The following TMEFF2 variants were observed in gnomAD, a reference collection of about 807,000 sequenced individuals.
The protein encoded by TMEFF2 is tomoregulin-2.
In TMEFF2, 28 loss-of-function variants were observed where a neutral mutation model predicts 53.8. The observed-to-expected ratio is 0.52, with a 90% CI of 0.39 to 0.71. TMEFF2 has a LOEUF of 0.71. TMEFF2 is among the 30% of genes least tolerant of loss of function. The pLI is 0.00. For missense variants in TMEFF2, 353 were observed against 455.2 expected (o/e 0.78, Z 2.04); for synonymous variants, 162 against 166.3 (o/e 0.97, Z 0.20).
intron 5 of TMEFF2, among the ~76,000 whole-genome samples, chr2:192,003,455 A>G (rs1686416265): frequency 6.6e-6 from 1 of 152,018 alleles, no homozygotes; most frequent in East Asian, 1.9e-4. Context: ...GGCTATGTCT[A>G]CTCTTGGAAT....
intron 4 of TMEFF2, among the ~76,000 whole-genome samples, chr2:192,095,157 G>A (rs1484388807): frequency 1.3e-5 from 2 of 152,084 alleles, no homozygotes; most frequent in Non-Finnish European, 2.9e-5. Flanking sequence ...TCCTTTCTGT[G>A]TAGACTGCAG....
At chr2:192,057,311 G>T (rs752265384) in intron 5 of TMEFF2, among the ~76,000 whole-genome samples, 9 of 152,078 alleles carry the variant, frequency 5.9e-5, no homozygotes, top group Non-Finnish European at 1.0e-4. Flanking sequence ...GCCTCCCAAA[G>T]TGCTGGGAGT....
At chr2:192,060,161 C>T (rs1435841440) in intron 4 of TMEFF2, among the ~76,000 whole-genome samples, 1 of 151,920 alleles carries the variant, frequency 6.6e-6, no homozygotes, top group African/African-American at 2.4e-5. Context: ...AGAGTCTCTG[C>T]CTTAAGCAAT....
intron 7 of TMEFF2, among the ~76,000 whole-genome samples, chr2:191,968,155 T>G (rs915522803): frequency 2.6e-5 from 4 of 152,202 alleles, no homozygotes; most frequent in Non-Finnish European, 5.9e-5. Context: ...GAAGCATCCT[T>G]GCAAATACAG....
At chr2:191,956,456 G>A (rs755915658) in intron 7 of TMEFF2, 78 bp from the exon 8 acceptor site, 2 of 1,449,640 alleles carry the variant, frequency 1.4e-6, no homozygotes, top group Non-Finnish European at 1.8e-6. Flanking sequence ...AAGAAGCAAA[G>A]CTATGGTAGG....
chr2:192,137,235 G>A (rs909626242), intron 4 of TMEFF2, among the ~76,000 whole-genome samples: 1 of 152,110 alleles, frequency 6.6e-6, no homozygotes, highest in East Asian at 1.9e-4. Flanking sequence ...AAAAGGATTC[G>A]TGAGGGTGGG....
chr2:191,953,357 G>A (rs994683691), intron 9 of TMEFF2, among the ~76,000 whole-genome samples: 1 of 152,122 alleles, frequency 6.6e-6, no homozygotes, highest in Non-Finnish European at 1.5e-5. Flanking sequence ...ATAAAAATGT[G>A]TTTGTTATTA....
Position 192,027,395 on chromosome 2 carries a change from A to T in TMEFF2, c.537-28187T>A, listed in dbSNP as rs1278772339. Among the ~76,000 whole-genome samples the T allele has an allele frequency of 9.2e-5, 14 of 152,342 alleles. No homozygotes were observed. In the East Asian group the frequency reaches 2.7e-3, roughly 29 times the overall value. ...ATATGATAAAGGCATGTCAGGATATATATCAGAGAGGAGCGCTATCCTTAA... is the reference window on the plus strand; with the variant it reads ...ATATGATAAAGGCATGTCAGGATATTTATCAGAGAGGAGCGCTATCCTTAA... On this transcript the variant is annotated intron_variant, in intron 5 of 9. Coordinates refer to ENST00000272771, the MANE Select transcript of TMEFF2 (RefSeq NM_016192.4).
rs77245034 is a variant in TMEFF2 at position 192,151,933 on chromosome 2, A to G, written c.439+27735T>C. On this transcript the variant is annotated intron_variant, in intron 4 of 9. Transcript: ENST00000272771. The stretch of plus-strand genomic sequence containing the variant: ...AGGGGAGGAAAATGGCAGATGTTCC[A>G]TGTTGGCTAAGGGTAATTGTTCAGG... 5.8e-4 allele frequency among the ~76,000 whole-genome samples: 88 copies of G among 151,938 alleles called. 1 individual carries two copies. The East Asian group carries it at 0.015, about 26-fold the overall frequency.
chr2:192,075,201 A>G (rs968629583), intron 4 of TMEFF2, among the ~76,000 whole-genome samples: 7 of 148,842 alleles, frequency 4.7e-5, no homozygotes, highest in South Asian at 4.2e-4. Flanking sequence ...TCTGGCTTCT[A>G]TATTTGCAAT....
chr2:192,161,453 G>C (rs1311667190), intron 4 of TMEFF2, among the ~76,000 whole-genome samples: 1 of 152,118 alleles, frequency 6.6e-6, no homozygotes, highest in Non-Finnish European at 1.5e-5. Flanking sequence ...TCACCGGCCT[G>C]AAACAGCATA....
intron 7 of TMEFF2, among the ~76,000 whole-genome samples, chr2:191,965,673 TTCA>T (rs142290357): frequency 0.016 from 2,443 of 152,304 alleles, 59 homozygotes; most frequent in African/African-American, 0.055. Flanking sequence ...TCTTCTTACA[TTCA>T]TCATATGAAA....
chr2:192,029,826 C>T lies in TMEFF2; in HGVS notation c.536+27853G>A, dbSNP rs115160449. 3.0e-3 allele frequency among the ~76,000 whole-genome samples: 455 copies of T among 152,284 alleles called. 3 individuals carry two copies. Among genetic ancestry groups the T allele is most frequent in the African/African-American group, 0.01 (434 of 41,558 alleles). ...TAACATTTTTAAAAAAATGAATATGCTTTCTAAAAATAAATTCAGTGAGAA... is the reference window on the plus strand; with the variant it reads ...TAACATTTTTAAAAAAATGAATATGTTTTCTAAAAATAAATTCAGTGAGAA... On this transcript the variant is annotated intron_variant, in intron 5 of 9. Transcript: ENST00000272771.
intron 4 of TMEFF2, among the ~76,000 whole-genome samples, chr2:192,108,692 C>T (rs886254100): frequency 2.6e-5 from 4 of 151,958 alleles, no homozygotes; most frequent in African/African-American, 9.7e-5. Context: ...AATGACACTC[C>T]TTGGTGTATA....
chr2:192,061,772 G>A (rs957796427), intron 4 of TMEFF2, among the ~76,000 whole-genome samples: 5 of 152,136 alleles, frequency 3.3e-5, no homozygotes, highest in Non-Finnish European at 5.9e-5. Context: ...TTGGTGATGA[G>A]GGAGTTCTCA....
At chr2:191,998,861 A>G (rs1686287130) in intron 6 of TMEFF2, among the ~76,000 whole-genome samples, 199 bp downstream of exon 6, 1 of 151,962 alleles carries the variant, frequency 6.6e-6, no homozygotes, top group Non-Finnish European at 1.5e-5. Flanking sequence ...CATTGTATAG[A>G]GACAGATCTG....
chr2:191,954,329 G>T (rs951812325), intron 8 of TMEFF2, among the ~76,000 whole-genome samples: 2 of 151,870 alleles, frequency 1.3e-5, no homozygotes, highest in African/African-American at 4.8e-5. Context: ...GTGTTTCTCG[G>T]TTATCAGATA....
chr2:192,030,958 A>G (rs990598247), intron 5 of TMEFF2, among the ~76,000 whole-genome samples: 16 of 152,164 alleles, frequency 1.1e-4, no homozygotes, highest in Non-Finnish European at 5.9e-5. Context: ...TGGGACATAC[A>G]GAGTCAAGAA....
intron 7 of TMEFF2, among the ~76,000 whole-genome samples, chr2:191,990,416 A>AGTTGTGTGTGTGT (rs1553510888): frequency 8.8e-5 from 13 of 147,246 alleles, no homozygotes; most frequent in African/African-American, 3.3e-4. Flanking sequence ...TGCTCAGAAT[A>AGTTGTGTGTGTGT]GTGTGTGTGT....
Sources: allele counts gnomAD v4.1 joint callset (sites outside exome capture counted in the v4.1 genomes callset), GRCh38; gene constraint gnomAD v4.1.1; transcripts MANE v1.5; gene names NCBI Gene and HGNC (gene_info 2026-07-23, HGNC 2026-07-21).